Variants in NAV3 observed in about 807,000 individuals in gnomAD.
NAV3 encodes pore membrane and/or filament interacting like protein 1.
NAV3 carries 87 observed loss-of-function variants against 244.7 expected under a neutral mutation model. The observed-to-expected ratio is 0.36, with a 90% CI of 0.30 to 0.42. The LOEUF is 0.42. NAV3 is among the 20% of genes least tolerant of loss of function. The probability of loss-of-function intolerance (pLI) is 1.00; values close to 1 mark genes in which losing one functional copy is unlikely to be tolerated. For synonymous variants in NAV3, 1,126 were observed against 1,042.2 expected (o/e 1.08, Z -1.55); for missense variants, 2,663 against 2,893.3 (o/e 0.92, Z 1.83).
At position 78,088,011 on chromosome 12, in the gene NAV3, C is replaced by A. The variant is rs185282201; in HGVS notation, c.2637-28761C>A. Among the ~76,000 whole-genome samples the A allele has an allele frequency of 1.3e-4, 19 of 151,080 alleles. No individual in the cohort carries two copies. In the East Asian group the frequency reaches 2.5e-3, roughly 20 times the overall value. On this transcript the variant is annotated intron_variant, in intron 12 of 39. Transcript: ENST00000397909. The stretch of plus-strand genomic sequence containing the variant: ...CAAGCATAATTAATGCTACCATTTT[C>A]TTTTCCTTTCTAGTGTTTCTTCATA...
upstream of NAV3, among the ~76,000 whole-genome samples, chr12:77,830,164 T>A (rs968489329): frequency 6.6e-6 from 1 of 152,206 alleles, no homozygotes; most frequent in Non-Finnish European, 1.5e-5. Context: ...TTAAAATAAT[T>A]CTATGGATGG....
intron 2 of NAV3, among the ~76,000 whole-genome samples, chr12:77,620,416 T>G (rs1230160808): frequency 6.6e-6 from 1 of 152,138 alleles, no homozygotes; most frequent in Non-Finnish European, 1.5e-5. Context: ...AACTCCTTAC[T>G]TATGCTTGTG....
chr12:77,835,301 A>T lies in NAV3; in HGVS notation c.243+3597A>T, dbSNP rs139703868. ...TTCTAGGCAGCCATGTGCTCAGCTA[A>T]GAATTATGGGTTCAATTTCTAGGAA... On this transcript the variant is annotated intron_variant, in intron 1 of 39. Transcript: ENST00000397909. 1.9e-3 allele frequency among the ~76,000 whole-genome samples: 282 copies of T among 152,354 alleles called. 3 individuals are homozygous for T. Among genetic ancestry groups the T allele is most frequent in the African/African-American group, 5.9e-3 (245 of 41,590 alleles).
chr12:78,040,271 G>T (rs139430040), intron 9 of NAV3, among the ~76,000 whole-genome samples: 35 of 152,122 alleles, frequency 2.3e-4, no homozygotes, highest in Non-Finnish European at 4.7e-4. Context: ...GTTATGTTTT[G>T]CTCAATAAGC....
At chr12:78,201,877 T>C (rs915633970) in intron 38 of NAV3, among the ~76,000 whole-genome samples, 6 of 152,006 alleles carry the variant, frequency 3.9e-5, no homozygotes, top group Admixed American at 2.0e-4. Flanking sequence ...TATTTTTCCC[T>C]CTTTTACTCC....
At chr12:78,188,489 TC>T (rs1205214037) in intron 32 of NAV3, 119 bp from the exon 33 acceptor site, 2 of 1,182,438 alleles carry the variant, frequency 1.7e-6, no homozygotes, top group Non-Finnish European at 2.4e-6. Flanking sequence ...TATTAACAGT[TC>T]TTATATTACC....
At chr12:77,688,054 C>T (rs896655269) in intron 2 of NAV3, among the ~76,000 whole-genome samples, 1 of 151,792 alleles carries the variant, frequency 6.6e-6, no homozygotes, top group Non-Finnish European at 1.5e-5. Context: ...CAATTAAGAC[C>T]CACAGATTTC....
At position 78,099,107 on chromosome 12, in the gene NAV3, A is replaced by G. The variant is rs574033046; in HGVS notation, c.2637-17665A>G. On this transcript the variant is annotated intron_variant, in intron 12 of 39. Coordinates refer to ENST00000397909, the MANE Select transcript of NAV3 (RefSeq NM_001024383.2). ...TCTTTTTGTATATTTATCCTAATAC[A>G]ATAATTCTAAACATAATCTCAATAT... Among the ~76,000 whole-genome samples, 5 of 151,822 alleles carry G rather than the reference A, an allele frequency of 3.3e-5. No homozygotes were observed. In the South Asian group the frequency reaches 6.2e-4, roughly 19 times the overall value.
intron 1 of NAV3, among the ~76,000 whole-genome samples, chr12:77,884,710 T>A (rs976460284): frequency 1.3e-5 from 2 of 152,068 alleles, no homozygotes; most frequent in Non-Finnish European, 2.9e-5. Flanking sequence ...CAAAAACCAG[T>A]CTCTCCAGAA....
intron 39 of NAV3, among the ~76,000 whole-genome samples, chr12:78,205,970 A>T (rs1339610879): frequency 6.6e-6 from 1 of 152,120 alleles, no homozygotes; most frequent in Admixed American, 6.6e-5. Flanking sequence ...TAAGGATATA[A>T]AATTACTTGA....
chr12:77,742,344 T>C (rs531700571), intron 2 of NAV3, among the ~76,000 whole-genome samples: 18 of 152,128 alleles, frequency 1.2e-4, no homozygotes, highest in Admixed American at 2.0e-4. Context: ...CTGGTGGCAA[T>C]GTAAAGTGTT....
chr12:78,091,211 T>A (rs894191601), intron 12 of NAV3, among the ~76,000 whole-genome samples: 3 of 152,170 alleles, frequency 2.0e-5, no homozygotes, highest in African/African-American at 7.2e-5. Flanking sequence ...TTTCTATTGA[T>A]GTTTTGGGAT....
chr12:77,916,521 C>T (rs924655803), intron 1 of NAV3, among the ~76,000 whole-genome samples: 1 of 127,586 alleles, frequency 7.8e-6, no homozygotes, highest in Non-Finnish European at 1.6e-5. Flanking sequence ...GGGAGTGGCA[C>T]GTTTTTCATT....
intron 2 of NAV3, among the ~76,000 whole-genome samples, chr12:77,778,611 CA>C (rs1870506219): frequency 1.0e-5 from 1 of 97,004 alleles, no homozygotes; most frequent in African/African-American, 4.1e-5. Context: ...GACTCCGTCT[CA>C]GAAAAAAAAA....
chr12:77,642,909 C>T (rs1756705464), intron 2 of NAV3, among the ~76,000 whole-genome samples: 1 of 152,050 alleles, frequency 6.6e-6, no homozygotes, highest in Admixed American at 6.6e-5. Flanking sequence ...ACATATCCAT[C>T]TAATCGCAAT....
intron 30 of NAV3, 91 bp from the exon 31 acceptor site, chr12:78,185,510 A>G: frequency 6.4e-6 from 7 of 1,093,668 alleles, no homozygotes; most frequent in South Asian, 1.4e-5. Context: ...CCATTGAAAG[A>G]TATAAAACTA....
intron 2 of NAV3, among the ~76,000 whole-genome samples, chr12:77,647,844 C>G (rs1872667975): frequency 6.6e-6 from 1 of 152,048 alleles, no homozygotes; most frequent in Admixed American, 6.6e-5. Context: ...AAGCACAGAT[C>G]TACCATTCCT....
At position 78,093,589 on chromosome 12, in the gene NAV3, A is replaced by G. The variant is rs184486425; in HGVS notation, c.2637-23183A>G. On this transcript the variant is annotated intron_variant, in intron 12 of 39. Coordinates refer to ENST00000397909, the MANE Select transcript of NAV3 (RefSeq NM_001024383.2). ...TACAGCAGTGGAAAAGCTATAGGGA[A>G]TAGAGACTATAAACCCTCTGTTTTA... 4.1e-3 allele frequency among the ~76,000 whole-genome samples: 620 copies of G among 152,292 alleles called. 2 individuals carry two copies. Among genetic ancestry groups the G allele is most frequent in the Non-Finnish European group, 6.6e-3 (449 of 68,018 alleles).
intron 2 of NAV3, among the ~76,000 whole-genome samples, chr12:77,799,637 C>T (rs1871598564): frequency 6.6e-6 from 1 of 152,070 alleles, no homozygotes; most frequent in Non-Finnish European, 1.5e-5. Context: ...TCGTTCCTGC[C>T]ATAGCCCTTT....
Sources: gnomAD v4.1 joint callset for allele counts (sites outside exome capture counted in the v4.1 genomes callset) on GRCh38, gnomAD v4.1.1 for gene constraint, MANE v1.5 for transcripts, NCBI Gene and HGNC (gene_info 2026-07-23, HGNC 2026-07-21) for gene names.